Variants in ADARB1 observed in about 807,000 individuals in gnomAD.
ADARB1 encodes the protein adenosine deaminase RNA specific B1.
A neutral mutation model predicts 52.4 loss-of-function variants in ADARB1; 10 were observed. That is an observed-to-expected ratio of 0.19 (90% CI 0.12 to 0.32). The LOEUF is 0.32. Among genes scored for constraint, ADARB1 ranks in the 10% least tolerant of loss-of-function variants. The pLI is 1.00. For synonymous variants in ADARB1, 349 were observed against 371.1 expected, an observed-to-expected ratio of 0.94 and a Z score of 0.68; for missense variants, 643 against 922.3, an observed-to-expected ratio of 0.70 and a Z score of 3.92.
At position 45,222,840 on chromosome 21, in the gene ADARB1, G is replaced by A; in HGVS notation, c.*643G>A. 1.3e-5 allele frequency: 13 copies of A among 985,470 alleles called. No homozygotes were observed. The highest frequency in any genetic ancestry group is 1.6e-5 in the Non-Finnish European group (13 of 829,986). The allele number at this position is 985,470 out of a possible 1,614,324, so 61.0% of individuals were successfully genotyped here. On this transcript the variant is annotated 3_prime_UTR_variant, in exon 11 of 11. Coordinates refer to ENST00000348831, the MANE Select transcript of ADARB1 (RefSeq NM_001112.4). ...CAGACTCCCAGCATGGTGTAGCGTG[G>A]CCCTGTCATGCACATGGGGTCCCGC... is the stretch of plus-strand genomic sequence containing the variant.
At chr21:45,211,879 G>A (rs897957820) in intron 9 of ADARB1, among the ~76,000 whole-genome samples, 6 of 152,138 alleles carry the variant, frequency 3.9e-5, no homozygotes, top group African/African-American at 9.7e-5. Context: ...TGGCCTCAGG[G>A]ACTCGTAGAC....
At chr21:45,098,279 C>T (rs184510494) in intron 1 of ADARB1, among the ~76,000 whole-genome samples, 93 of 152,316 alleles carry the variant, frequency 6.1e-4, no homozygotes, top group African/African-American at 2.0e-3. Flanking sequence ...TCTCCAGATC[C>T]CTTGGAGCAC....
chr21:45,104,050 A>C (rs958656453), intron 1 of ADARB1, among the ~76,000 whole-genome samples: 2 of 152,096 alleles, frequency 1.3e-5, no homozygotes, highest in African/African-American at 4.8e-5. Context: ...CAAGGGGTTC[A>C]CTTTTGGGGA....
In ADARB1 at chr21:45,171,696, GC is replaced by G; in HGVS notation, c.28+14del. The stretch of plus-strand genomic sequence containing the variant: ...TGAAGAAAACATGAGTAAGATCTAG[GC>G]CTATCACGTAGTATCAGATAGCTAA... On this transcript the variant is annotated intron_variant, in intron 3 of 10. Coordinates refer to ENST00000348831, the MANE Select transcript of ADARB1 (RefSeq NM_001112.4). 2.5e-6 allele frequency: 4 copies of G among 1,604,882 alleles called. No homozygotes were observed. The highest frequency in any genetic ancestry group is 3.4e-6 in the Non-Finnish European group (4 of 1,176,796).
intron 9 of ADARB1, among the ~76,000 whole-genome samples, chr21:45,214,469 A>T (rs922825885): frequency 1.3e-5 from 2 of 152,232 alleles, no homozygotes; most frequent in Non-Finnish European, 2.9e-5. Context: ...AGTCAGTACT[A>T]CAAAGATTTC....
intron 1 of ADARB1, among the ~76,000 whole-genome samples, chr21:45,108,682 G>C (rs2087367186): frequency 6.6e-6 from 1 of 152,142 alleles, no homozygotes; most frequent in Non-Finnish European, 1.5e-5. Context: ...CCTAGGGCTT[G>C]TTAAATTTAG....
intron 2 of ADARB1, among the ~76,000 whole-genome samples, chr21:45,149,813 C>T (rs1406603091): frequency 2.6e-5 from 4 of 152,196 alleles, no homozygotes; most frequent in Admixed American, 6.5e-5. Context: ...CGGCCTAATG[C>T]GGGGCTAGCG....
At chr21:45,117,903 AC>A (rs2087921563) in intron 1 of ADARB1, among the ~76,000 whole-genome samples, 1 of 152,116 alleles carries the variant, frequency 6.6e-6, no homozygotes, top group Admixed American at 6.5e-5. Context: ...TCTTGTAGTC[AC>A]CATTATAGCT....
intron 5 of ADARB1, chr21:45,181,531 C>CTCT (rs1471297992): frequency 6.6e-6 from 1 of 152,308 alleles, no homozygotes; most frequent in Non-Finnish European, 1.5e-5. Flanking sequence ...GACTCCCTGC[C>CTCT]TCTTCCAGCA....
chr21:45,124,733 T>A (rs2088450671), intron 1 of ADARB1, among the ~76,000 whole-genome samples: 1 of 135,216 alleles, frequency 7.4e-6, no homozygotes, highest in Admixed American at 7.9e-5. Flanking sequence ...CCTGAGTTAG[T>A]GTTAATAAGT....
At chr21:45,122,387 G>A (rs927192378) in intron 1 of ADARB1, among the ~76,000 whole-genome samples, 1 of 152,192 alleles carries the variant, frequency 6.6e-6, no homozygotes, top group South Asian at 2.1e-4. Flanking sequence ...TTGGTACAAG[G>A]CATGTTAAAT....
chr21:45,129,424 A>C (rs2088793280), intron 2 of ADARB1, among the ~76,000 whole-genome samples: 2 of 152,180 alleles, frequency 1.3e-5, no homozygotes, highest in South Asian at 2.1e-4. Context: ...AAGCTTTTTC[A>C]TGGGTTCAGA....
At chr21:45,126,258 CAT>C (rs2088571216) in intron 1 of ADARB1, among the ~76,000 whole-genome samples, 1 of 152,148 alleles carries the variant, frequency 6.6e-6, no homozygotes, top group Non-Finnish European at 1.5e-5. Context: ...AGAAGTGGCT[CAT>C]GTGTCCTTGA....
chr21:45,095,987 C>A (rs947758605), intron 1 of ADARB1, among the ~76,000 whole-genome samples: 1 of 152,168 alleles, frequency 6.6e-6, no homozygotes, highest in Non-Finnish European at 1.5e-5. Flanking sequence ...TTGAGAGAGC[C>A]GCACACACTG....
At chr21:45,140,433 G>A (rs745485756) in intron 2 of ADARB1, among the ~76,000 whole-genome samples, 6 of 152,158 alleles carry the variant, frequency 3.9e-5, no homozygotes, top group Non-Finnish European at 7.3e-5. Context: ...GTACAGGTCC[G>A]CCCCTGGCAG....
intron 2 of ADARB1, among the ~76,000 whole-genome samples, chr21:45,146,967 G>C (rs2090040744): frequency 6.6e-6 from 1 of 152,190 alleles, no homozygotes; most frequent in Non-Finnish European, 1.5e-5. Context: ...GACCCCTGGG[G>C]CCTCGGCTGG....
In ADARB1 at chr21:45,082,221, A is replaced by G. The variant is rs930021334; in HGVS notation, c.-220+7428A>G. ...GTCTGCAAAGCAGTTGTCATCTAAT[A>G]TGTGACTAGCAGAATATTTGTTTGT... On this transcript the variant is annotated intron_variant, in intron 1 of 10. Transcript: ENST00000348831. Among the ~76,000 whole-genome samples the G allele has an allele frequency of 2.0e-5, 3 of 152,222 alleles. No individual in the cohort carries two copies. In the East Asian group the frequency reaches 5.8e-4, roughly 29 times the overall value.
chr21:45,191,311 G>C (rs531046023), intron 8 of ADARB1, among the ~76,000 whole-genome samples: 1 of 152,044 alleles, frequency 6.6e-6, no homozygotes, highest in Non-Finnish European at 1.5e-5. Context: ...TATTCCTGCT[G>C]TCCAGGACCT....
At chr21:45,134,534 GGGTGTGTGCACCTGGCAGA>G (rs1260945003) in intron 2 of ADARB1, among the ~76,000 whole-genome samples, 1 of 151,812 alleles carries the variant, frequency 6.6e-6, no homozygotes, top group African/African-American at 2.4e-5. Flanking sequence ...TGTCTGACAT[GGGTGTGTGCACCTGGCAGA>G]GGTGTGTGCG....
Sources: allele counts gnomAD v4.1 joint callset (sites outside exome capture counted in the v4.1 genomes callset), GRCh38; gene constraint gnomAD v4.1.1; transcripts MANE v1.5; gene names NCBI Gene and HGNC (gene_info 2026-07-23, HGNC 2026-07-21).